The following KLF8 variants were observed in gnomAD, a reference collection of about 807,000 sequenced individuals.
The protein encoded by KLF8 is KLF transcription factor 8.
A neutral mutation model predicts 18.2 loss-of-function variants in KLF8; 10 were observed. The observed-to-expected ratio is 0.55, with a 90% CI of 0.34 to 0.93. The LOEUF (loss-of-function observed/expected upper bound fraction) is 0.93, where lower values mean the gene tolerates loss of function less well. Ranked by LOEUF, KLF8 falls within the 40% of genes least tolerant of loss-of-function variation. KLF8 has a pLI of 0.02. For missense variants in KLF8, 264 were observed against 277.9 expected (o/e 0.95, Z 0.36); for synonymous variants, 109 against 97.3 (o/e 1.12, Z -0.71).
the KLF8 span, among the ~76,000 whole-genome samples, chrX:56,048,269 T>G: frequency 8.9e-6 from 1 of 111,960 alleles, no homozygotes; most frequent in Admixed American, 9.5e-5. Flanking sequence ...CTCTTTAGTT[T>G]AATTAGATCC....
At chrX:56,006,754 T>G in the KLF8 span, among the ~76,000 whole-genome samples, 1 of 112,699 alleles carries the variant, frequency 8.9e-6, no homozygotes, top group South Asian at 3.6e-4. Flanking sequence ...CTTGTTGGAT[T>G]CATAGTTTGC....
intron 1 of KLF8, 86 bp from the exon 2 acceptor site, chrX:56,250,145 A>G: frequency 4.7e-6 from 3 of 634,913 alleles, no homozygotes; most frequent in Non-Finnish European, 7.7e-6. Context: ...AAGGTCATAG[A>G]ACACACATAA....
the KLF8 span, among the ~76,000 whole-genome samples, chrX:56,023,173 A>G: frequency 8.9e-6 from 1 of 112,022 alleles, no homozygotes; most frequent in African/African-American, 3.2e-5. Flanking sequence ...ATTTTAAATT[A>G]TAAACTATAG....
chrX:56,172,301 C>T, the KLF8 span, among the ~76,000 whole-genome samples: 1 of 110,805 alleles, frequency 9.0e-6, no homozygotes. Context: ...GTTCCCCTTC[C>T]TGTGTCCATG....
the KLF8 span, among the ~76,000 whole-genome samples, chrX:55,968,578 G>A: frequency 8.9e-6 from 1 of 111,968 alleles, no homozygotes; most frequent in Non-Finnish European, 1.9e-5. Flanking sequence ...GAGGGACCCA[G>A]TGGGAAGTAA....
At chrX:56,094,903 C>T in the KLF8 span, among the ~76,000 whole-genome samples, 1 of 111,085 alleles carries the variant, frequency 9.0e-6, no homozygotes, top group African/African-American at 3.3e-5. Context: ...ATTGGATGAA[C>T]CAATGTCATT....
At chrX:55,997,985 G>A in the KLF8 span, among the ~76,000 whole-genome samples, 1 of 111,763 alleles carries the variant, frequency 8.9e-6, no homozygotes, top group Non-Finnish European at 1.9e-5. Flanking sequence ...GGATGTGTCA[G>A]GGTCACAAGA....
At chrX:56,058,250 A>G in the KLF8 span, among the ~76,000 whole-genome samples, 5 of 59,231 alleles carry the variant, frequency 8.4e-5, no homozygotes, top group Admixed American at 2.4e-4. Context: ...ATATATACGT[A>G]TATATACACA....
At chrX:56,206,505 C>A in the KLF8 span, among the ~76,000 whole-genome samples, 279 of 112,050 alleles carry the variant, frequency 2.5e-3, 2 homozygotes, top group South Asian at 0.011. Context: ...TCATGAAAGT[C>A]CAAAATCCAA....
Position 56,289,008 on chromosome X carries a change from A to G in KLF8, c.*4514A>G, listed in dbSNP as rs1031067767. Among the ~76,000 whole-genome samples, 1 of 112,100 alleles carries G rather than the reference A, an allele frequency of 8.9e-6. No homozygotes were observed. Among genetic ancestry groups the G allele is most frequent in the African/African-American group, 3.2e-5 (1 of 30,909 alleles). Reference sequence around the variant, plus strand: ...CCATGCTTCTGGAGTGGTAAGTTATATGCCACACCCTTCAGAGCATGTATC... The same window carrying G: ...CCATGCTTCTGGAGTGGTAAGTTATGTGCCACACCCTTCAGAGCATGTATC... On this transcript the variant is annotated 3_prime_UTR_variant, in exon 6 of 6. Transcript: ENST00000468660.
At chrX:55,994,207 G>T in the KLF8 span, among the ~76,000 whole-genome samples, 2 of 100,655 alleles carry the variant, frequency 2.0e-5, no homozygotes, top group Non-Finnish European at 4.0e-5. Context: ...ACTGCACTCG[G>T]CTTATAGAGA....
At position 56,291,305 on chromosome X, in the gene KLF8, G is replaced by A. The variant is rs184580658; in HGVS notation, c.*6811G>A. On this transcript the variant is annotated 3_prime_UTR_variant, in exon 6 of 6. Coordinates refer to ENST00000468660, the MANE Select transcript of KLF8 (RefSeq NM_007250.5). ...TACTAGTTCTTGCTCCAGAGGCATGGCTTTGAGGCTAGAATCATGAGCAAT... is the reference window on the plus strand; with the variant it reads ...TACTAGTTCTTGCTCCAGAGGCATGACTTTGAGGCTAGAATCATGAGCAAT... 9.0e-6 allele frequency among the ~76,000 whole-genome samples: 1 copy of A among 111,378 alleles called. No individual in the cohort carries two copies. The highest frequency in any genetic ancestry group is 9.6e-5 in the Admixed American group (1 of 10,405).
chrX:56,102,268 G>A, the KLF8 span, among the ~76,000 whole-genome samples: 1 of 110,934 alleles, frequency 9.0e-6, no homozygotes, highest in Non-Finnish European at 1.9e-5. Flanking sequence ...GTAGGCATGT[G>A]GCTTTATTTC....
At chrX:56,067,140 C>A in the KLF8 span, among the ~76,000 whole-genome samples, 1 of 106,511 alleles carries the variant, frequency 9.4e-6, no homozygotes, top group Non-Finnish European at 2.0e-5. Flanking sequence ...TGTCTACTCA[C>A]TAATTTGGTT....
At chrX:56,236,505 T>C (rs939044291) in intron 1 of KLF8, among the ~76,000 whole-genome samples, 1 of 111,166 alleles carries the variant, frequency 9.0e-6, no homozygotes, top group African/African-American at 3.3e-5. Context: ...TTGTATTTTT[T>C]CCCCTTTGTA....
the KLF8 span, among the ~76,000 whole-genome samples, chrX:56,176,844 T>G: frequency 2.0e-4 from 22 of 111,878 alleles, no homozygotes; most frequent in South Asian, 1.5e-3. Flanking sequence ...TCACTTCATT[T>G]CATTCATTTG....
the KLF8 span, among the ~76,000 whole-genome samples, chrX:56,052,141 T>A: frequency 9.0e-6 from 1 of 111,500 alleles, no homozygotes; most frequent in Admixed American, 9.5e-5. Flanking sequence ...AGCACTTCTC[T>A]GTATTGGTTA....
chrX:56,052,744 A>T, the KLF8 span, among the ~76,000 whole-genome samples: 1 of 112,001 alleles, frequency 8.9e-6, no homozygotes, highest in East Asian at 2.8e-4. Flanking sequence ...CTGCCCCCAG[A>T]GGTGTAGCCT....
chrX:56,158,017 T>C, the KLF8 span, among the ~76,000 whole-genome samples: 1 of 111,980 alleles, frequency 8.9e-6, no homozygotes, highest in Non-Finnish European at 1.9e-5. Flanking sequence ...GTTTTTACGG[T>C]TTTGGGTCTA....
Sources: gnomAD v4.1 joint callset for allele counts (sites outside exome capture counted in the v4.1 genomes callset) on GRCh38, gnomAD v4.1.1 for gene constraint, MANE v1.5 for transcripts, NCBI Gene and HGNC (gene_info 2026-07-23, HGNC 2026-07-21) for gene names.